The following FMN1 variants were observed in gnomAD, a reference collection of about 807,000 sequenced individuals.
The protein encoded by FMN1 is formin 1.
Under a neutral mutation model 132.4 loss-of-function variants are expected in FMN1, and 110 were observed. The observed-to-expected ratio is 0.83, with a 90% CI of 0.71 to 0.97. The LOEUF (loss-of-function observed/expected upper bound fraction) is 0.97, where lower values mean the gene tolerates loss of function less well. Ranked by LOEUF, FMN1 falls within the 50% of genes least tolerant of loss-of-function variation. The pLI, the probability that FMN1 is intolerant of heterozygous loss-of-function variation, is 0.00. For missense variants in FMN1, 1,792 were observed against 1,705.3 expected, an observed-to-expected ratio of 1.05 and a Z score of -0.90; for synonymous variants, 722 against 651.7, an observed-to-expected ratio of 1.11 and a Z score of -1.64.
At chr15:32,814,965 CAG>C (rs1265309458) in intron 17 of FMN1, among the ~76,000 whole-genome samples, 1 of 151,918 alleles carries the variant, frequency 6.6e-6, no homozygotes, top group Non-Finnish European at 1.5e-5. Flanking sequence ...ATTTTTGAGA[CAG>C]AGTCTCGCTC....
chr15:33,154,961 A>G lies in FMN1; in HGVS notation c.-47T>C. ...GCCTTGGAGATGCCGGTTTGTGGTC[A>G]GGCTTCCCAGGCTCCAGTGGTGAGG... On this transcript the variant is annotated 5_prime_UTR_variant, in exon 4 of 21. An upstream open reading frame in the 5' UTR loses its in-frame stop. Coordinates refer to ENST00000616417, the MANE Select transcript of FMN1 (RefSeq NM_001277313.2). 1.4e-6 allele frequency: 2 copies of G among 1,447,014 alleles called. No individual in the cohort carries two copies. Among genetic ancestry groups the G allele is most frequent in the East Asian group, 2.5e-5 (1 of 40,428 alleles). 89.6% of individuals were successfully genotyped at this position (1,447,014 alleles called of 1,614,324 possible).
At chr15:32,950,385 A>AT (rs1043546574) in intron 9 of FMN1, among the ~76,000 whole-genome samples, 1 of 152,036 alleles carries the variant, frequency 6.6e-6, no homozygotes, top group Non-Finnish European at 1.5e-5. Flanking sequence ...ACATATGCAC[A>AT]TGTATGTTCA....
At chr15:32,797,529 G>A (rs565726320) in intron 19 of FMN1, among the ~76,000 whole-genome samples, 6 of 152,254 alleles carry the variant, frequency 3.9e-5, no homozygotes, top group Admixed American at 1.3e-4. Flanking sequence ...ACTATGGGTT[G>A]GGTGCCAAGA....
intron 4 of FMN1, among the ~76,000 whole-genome samples, chr15:33,093,616 T>C (rs1234211139): frequency 2.0e-5 from 3 of 152,178 alleles, no homozygotes; most frequent in Non-Finnish European, 4.4e-5. Context: ...ACCACCTAGG[T>C]AGATACAATT....
chr15:32,880,357 T>C (rs1243604346), intron 16 of FMN1, among the ~76,000 whole-genome samples: 1 of 152,206 alleles, frequency 6.6e-6, no homozygotes, highest in Non-Finnish European at 1.5e-5. Context: ...CACTTGTTAC[T>C]AGTTGTATAA....
chr15:32,853,611 C>T (rs2059058598), intron 17 of FMN1, among the ~76,000 whole-genome samples: 1 of 152,188 alleles, frequency 6.6e-6, no homozygotes, highest in Non-Finnish European at 1.5e-5. Context: ...TGGAACTCTA[C>T]ACAGTAGAGA....
At position 32,902,031 on chromosome 15, in the gene FMN1, A is replaced by G. The variant is rs1024053866; in HGVS notation, c.3387T>C (p.His1129=). Residue 1129 remains histidine, a synonymous_variant, in exon 13 of 21, where the codon CAT becomes CAC. Coordinates refer to ENST00000616417, the MANE Select transcript of FMN1 (RefSeq NM_001277313.2). ...KLLDKPEQFL[H]ELAQIPNFAE... ...CAAAATTAGGAATCTGGGCTAACTC[A>G]TGTAAAAATCTGTAAAAAAGAAAAT... 1 of 1,605,844 alleles carries G rather than the reference A, an allele frequency of 6.2e-7. No individual in the cohort carries two copies. Among genetic ancestry groups the G allele is most frequent in the Non-Finnish European group, 8.5e-7 (1 of 1,176,368 alleles).
chr15:32,801,841 T>C (rs114749045), intron 18 of FMN1, among the ~76,000 whole-genome samples: 3,870 of 152,308 alleles, frequency 0.025, 173 homozygotes, highest in African/African-American at 0.087. Context: ...TTTGATTTCA[T>C]TGTTATTCCA....
chr15:33,019,345 A>G (rs986849541), intron 6 of FMN1, among the ~76,000 whole-genome samples: 2 of 152,174 alleles, frequency 1.3e-5, no homozygotes, highest in South Asian at 2.1e-4. Flanking sequence ...CAGAGTGCCA[A>G]TTGGTGCATT....
intron 4 of FMN1, among the ~76,000 whole-genome samples, chr15:33,114,172 T>C (rs148906848): frequency 6.6e-6 from 1 of 152,338 alleles, no homozygotes; most frequent in African/African-American, 2.4e-5. Flanking sequence ...CTGCCCTTTA[T>C]ATCTCAATGT....
intron 6 of FMN1, among the ~76,000 whole-genome samples, chr15:33,017,956 T>C (rs978846755): frequency 9.9e-5 from 15 of 152,042 alleles, no homozygotes; most frequent in Admixed American, 2.6e-4. Context: ...TCCCAGCTAC[T>C]CGGGGGGCAG....
chr15:32,819,555 A>G (rs781283767), intron 17 of FMN1, among the ~76,000 whole-genome samples: 5 of 152,230 alleles, frequency 3.3e-5, no homozygotes, highest in Non-Finnish European at 7.3e-5. Flanking sequence ...AGTTCAGAGC[A>G]AAGAATTTGT....
At chr15:32,879,798 C>T (rs1418009324) in intron 16 of FMN1, among the ~76,000 whole-genome samples, 1 of 152,168 alleles carries the variant, frequency 6.6e-6, no homozygotes, top group Non-Finnish European at 1.5e-5. Flanking sequence ...TTTCAACACA[C>T]CAGCCTCTGT....
chr15:32,825,112 C>G (rs751199270), intron 17 of FMN1, among the ~76,000 whole-genome samples: 1 of 152,146 alleles, frequency 6.6e-6, no homozygotes, highest in Non-Finnish European at 1.5e-5. Context: ...CATACTTTTC[C>G]ATCTCAATTT....
chr15:32,807,654 C>G (rs966993799), intron 17 of FMN1, among the ~76,000 whole-genome samples: 4 of 152,174 alleles, frequency 2.6e-5, no homozygotes. Context: ...AAGAAATACC[C>G]TATTCAAACT....
intron 10 of FMN1, among the ~76,000 whole-genome samples, chr15:32,925,436 A>C (rs1281242869): frequency 6.6e-6 from 1 of 152,228 alleles, no homozygotes; most frequent in East Asian, 1.9e-4. Flanking sequence ...ACAGGGGAAC[A>C]TGATAAATAA....
chr15:32,818,627 T>C lies in FMN1; in HGVS notation c.3929-14295A>G, dbSNP rs530360956. 6.6e-5 allele frequency among the ~76,000 whole-genome samples: 10 copies of C among 152,338 alleles called. 1 individual carries two copies. Among genetic ancestry groups the C allele is most frequent in the African/African-American group, 1.9e-4 (8 of 41,592 alleles). ...ATACTGCAAAGTAAGTTGAGATTTCTTTATCCTGTGCTTAAACCTAATATA... is the reference window on the plus strand; with the variant it reads ...ATACTGCAAAGTAAGTTGAGATTTCCTTATCCTGTGCTTAAACCTAATATA... On this transcript the variant is annotated intron_variant, in intron 17 of 20. Coordinates refer to ENST00000616417, the MANE Select transcript of FMN1 (RefSeq NM_001277313.2).
Position 32,768,650 on chromosome 15 carries a change from CTA to C in FMN1, c.*5658_*5659del, listed in dbSNP as rs1340797121. On this transcript the variant is annotated 3_prime_UTR_variant, in exon 21 of 21. Transcript: ENST00000616417. ...TTTGGACGTGATTTTCTGCCTGAAA[CTA>C]TAGTCTTCTTTGCATTTTGCTGGCC... 2.0e-5 allele frequency: 3 copies of C among 152,184 alleles called. No homozygotes were observed. The highest frequency in any genetic ancestry group is 2.9e-5 in the Non-Finnish European group (2 of 68,044). The allele number at this position is 152,184 out of a possible 1,614,324, so 9.4% of individuals were successfully genotyped here.
chr15:32,921,091 T>C (rs961548603), intron 10 of FMN1, among the ~76,000 whole-genome samples: 1 of 152,168 alleles, frequency 6.6e-6, no homozygotes, highest in Non-Finnish European at 1.5e-5. Context: ...CATAAGTAGA[T>C]GAACAAATAA....
Sources: allele counts gnomAD v4.1 joint callset (sites outside exome capture counted in the v4.1 genomes callset), GRCh38; gene constraint gnomAD v4.1.1; transcripts MANE v1.5; gene names NCBI Gene and HGNC (gene_info 2026-07-23, HGNC 2026-07-21).